ARHGAP4: variants seen among roughly 807,000 people sequenced by gnomAD.
The protein encoded by ARHGAP4 is Rho GTPase activating protein 4, also known as rho GTPase-activating protein 4.
In ARHGAP4, 25 loss-of-function variants were observed where a neutral mutation model predicts 67.6. That is an observed-to-expected ratio of 0.37 (90% CI 0.27 to 0.52). ARHGAP4 has a LOEUF of 0.52. ARHGAP4 is among the 20% of genes least tolerant of loss of function. ARHGAP4 has a pLI of 0.92. For synonymous variants in ARHGAP4, 448 were observed against 373.7 expected, an observed-to-expected ratio of 1.20 and a Z score of -2.29; for missense variants, 804 against 854.6, an observed-to-expected ratio of 0.94 and a Z score of 0.74.
chrX:153,912,631 T>C (rs782152877), intron 12 of ARHGAP4, 69 bp downstream of exon 12: 11 of 954,007 alleles, frequency 1.2e-5, no homozygotes, highest in Non-Finnish European at 1.6e-5. Context: ...CTCCGGCCAC[T>C]GAGGTGACCC....
chrX:153,923,012 C>A (rs1183371632), intron 1 of ARHGAP4, among the ~76,000 whole-genome samples: 2 of 110,929 alleles, frequency 1.8e-5, no homozygotes, highest in African/African-American at 6.6e-5. Context: ...ATCGTTGGAG[C>A]AGAAGGCTGG....
chrX:153,912,139 CTTTCTT>C (rs2065025860), intron 12 of ARHGAP4, among the ~76,000 whole-genome samples: 1 of 106,521 alleles, frequency 9.4e-6, no homozygotes, highest in African/African-American at 3.4e-5. Flanking sequence ...CTCTCTCTCT[CTTTCTT>C]TCTTTCACTG....
Position 153,913,004 on chromosome X carries a change from A to AG in ARHGAP4, c.1439+19dup. On this transcript the variant is annotated intron_variant, in intron 11 of 21. Coordinates refer to ENST00000350060, the MANE Select transcript of ARHGAP4 (RefSeq NM_001666.5). ...AGATGGCGGACCGTCGCAGGGCCCCAGCCCTCAGGGAGGACTCACCAAGAC... is the reference window on the plus strand; with the variant it reads ...AGATGGCGGACCGTCGCAGGGCCCCAGGCCCTCAGGGAGGACTCACCAAGAC... 1 of 1,038,933 alleles carries AG rather than the reference A, an allele frequency of 9.6e-7. No homozygotes were observed. The highest frequency in any genetic ancestry group is 4.0e-5 in the African/African-American group (1 of 25,282). The allele number at this position is 1,038,933 out of a possible 1,213,427, so 85.6% of individuals were successfully genotyped here. A position where few individuals can be genotyped will look rare whatever the true frequency, so the allele number is the denominator to read the frequency against.
chrX:153,909,437 G>C lies in ARHGAP4; in HGVS notation c.2507+6C>G, dbSNP rs1280102166. ...GTGGCCCCCTGAGCCCCGTCTTCTT[G>C]CTCACCGGTGGACCAGCTCCGATGC... On this transcript the variant is annotated splice_donor_region_variant and intron_variant, in intron 20 of 21. Coordinates refer to ENST00000350060, the MANE Select transcript of ARHGAP4 (RefSeq NM_001666.5). 5.9e-6 allele frequency: 7 copies of C among 1,185,932 alleles called. No individual in the cohort carries two copies. The highest frequency in any genetic ancestry group is 7.9e-6 in the Non-Finnish European group (7 of 882,517).
chrX:153,915,980 G>T (rs1293891599), intron 7 of ARHGAP4, among the ~76,000 whole-genome samples: 2 of 111,929 alleles, frequency 1.8e-5, no homozygotes, highest in Non-Finnish European at 3.8e-5. Context: ...AGCTGGCCTG[G>T]TCCTATCAGC....
intron 11 of ARHGAP4, 93 bp downstream of exon 11, chrX:153,912,931 G>T: frequency 8.9e-7 from 1 of 1,129,788 alleles, no homozygotes; most frequent in Middle Eastern, 2.4e-4. Flanking sequence ...AACTGGGGAA[G>T]TGAGGCCCAG....
chrX:153,919,365 T>C (rs1603287023), intron 5 of ARHGAP4, 82 bp from the exon 6 acceptor site: 1 of 1,198,809 alleles, frequency 8.3e-7, no homozygotes, highest in Non-Finnish European at 1.1e-6. Context: ...GCCCATCGCC[T>C]CCCCTCCCAC....
rs2065077480 is a variant in ARHGAP4 at position 153,919,482 on chromosome X, C to T, written c.682-199G>A. ...AGTGCCAGGAGGTGACTTGATTCCC[C>T]GGCTGTTCACCCGCCACTTGCCTTG... On this transcript the variant is annotated intron_variant, in intron 5 of 21. Transcript: ENST00000350060. The T allele has an allele frequency of 1.6e-5, 18 of 1,114,706 alleles. No homozygotes were observed. In the South Asian group the frequency reaches 1.7e-4, roughly 11 times the overall value. 91.9% of individuals were successfully genotyped at this position (1,114,706 alleles called of 1,213,427 possible).
chrX:153,921,701 A>G lies in ARHGAP4; in HGVS notation c.176T>C (p.Val59Ala). 8.3e-7 allele frequency: 1 copy of G among 1,205,753 alleles called. No homozygotes were observed. Among genetic ancestry groups the G allele is most frequent in the Non-Finnish European group, 1.1e-6 (1 of 892,958 alleles). Residue 59 changes from valine to alanine, a missense_variant, in exon 2 of 22, where the codon GTG (valine) becomes GCG (alanine). This residue lies in a region of ARHGAP4 where 404 missense variants were observed against 505.9 expected (regional missense o/e 0.80). Coordinates refer to ENST00000350060, the MANE Select transcript of ARHGAP4 (RefSeq NM_001666.5). ...LAEFMRRRAE[V>A]ELEYSRGLEK... ...CAGGCCCCGGGAGTATTCCAGCTCC[A>G]CCTCAGCGCGGCGCCGCATGAACTC...
intron 20 of ARHGAP4, 70 bp from the exon 21 acceptor site, chrX:153,909,239 C>T (rs781896813): frequency 1.9e-6 from 2 of 1,030,430 alleles, no homozygotes; most frequent in East Asian, 3.3e-5. Flanking sequence ...GTGGCTCCTC[C>T]CATCCTGGGG....
Position 153,909,445 on chromosome X carries a change from G to A in ARHGAP4, c.2505C>T (p.His835=), listed in dbSNP as rs1300717675. ...CTGAGCCCCGTCTTCTTGCTCACCG[G>A]TGGACCAGCTCCGATGCCAGGAGGC... ...PEGLLASELV[H]RPEPCTSPEA... Residue 835 remains histidine, a splice_region_variant and synonymous_variant, in exon 20 of 22, where the codon CAC becomes CAT. Transcript: ENST00000350060. 3 of 1,194,926 alleles carry A rather than the reference G, an allele frequency of 2.5e-6. No homozygotes were observed. The highest frequency in any genetic ancestry group is 3.4e-6 in the Non-Finnish European group (3 of 887,135).
At position 153,912,735 on chromosome X, in the gene ARHGAP4, T is replaced by C; in HGVS notation, c.1507A>G (p.Arg503Gly). 1 of 1,211,560 alleles carries C rather than the reference T, an allele frequency of 8.3e-7. No homozygotes were observed. The highest frequency in any genetic ancestry group is 2.2e-5 in the Admixed American group (1 of 46,025). ...TTCTCCATGTCTCCCCCAAAGAGTC[T>C]CTGGTTATACTGGGAGCTGGGGCGG... is the stretch of plus-strand genomic sequence containing the variant. ...QPRPSSQYNQ[R>G]LFGGDMEKFI... Residue 503 changes from arginine to glycine, a missense_variant, in exon 12 of 22, where the codon AGA becomes GGA. By Grantham distance (125) the Arg-to-Gly change is moderately radical. Coordinates refer to ENST00000350060, the MANE Select transcript of ARHGAP4 (RefSeq NM_001666.5).
intron 7 of ARHGAP4, among the ~76,000 whole-genome samples, chrX:153,916,019 C>T (rs782626656): frequency 8.1e-5 from 9 of 111,620 alleles, no homozygotes; most frequent in Non-Finnish European, 1.3e-4. Flanking sequence ...TGCTGAACAC[C>T]GGAAATGACC....
intron 7 of ARHGAP4, among the ~76,000 whole-genome samples, chrX:153,916,605 C>A (rs2065057066): frequency 8.8e-6 from 1 of 113,295 alleles, no homozygotes; most frequent in Non-Finnish European, 1.9e-5. Flanking sequence ...CACAGACACC[C>A]ACATTTGTGG....
rs1557105061 is a variant in ARHGAP4, at chrX:153,920,708, A to T, written c.599T>A (p.Val200Asp). ...AGTGGCACCAGCGGTGGTGGTGGGG[A>T]CACTCCGGCCTGCCCGCTTCTCCTC... ...RQEEKRAGRS[V>D]PTTTAGATEA... Residue 200 changes from valine (V) to aspartate (D), a missense_variant, in exon 5 of 22, where the codon GTC becomes GAC. Val to Asp is a radical substitution (Grantham distance 152, BLOSUM62 -3). Transcript: ENST00000350060. 8.3e-7 allele frequency: 1 copy of T among 1,211,071 alleles called. No homozygotes were observed. Among genetic ancestry groups the T allele is most frequent in the Admixed American group, 2.2e-5 (1 of 46,106 alleles).
chrX:153,925,549 C>T (rs1158913880), intron 1 of ARHGAP4, among the ~76,000 whole-genome samples: 1 of 112,657 alleles, frequency 8.9e-6, no homozygotes, highest in Non-Finnish European at 1.9e-5. Flanking sequence ...TTATCAGAAC[C>T]CAGAGGTTCA....
chrX:153,911,853 G>A (rs1333103596), intron 12 of ARHGAP4, among the ~76,000 whole-genome samples: 1 of 110,245 alleles, frequency 9.1e-6, no homozygotes, highest in Non-Finnish European at 1.9e-5. Context: ...AAGGTTGCAG[G>A]GAGCTGAGAT....
chrX:153,913,589 A>T lies in ARHGAP4; in HGVS notation c.1146T>A (p.Thr382=), dbSNP rs2065036308. ...GCAGGGCCTGCAGTGTCGCCTTCAG[A>T]GTCTTGTTCACCTGCAGAGGAGACC... ...QTIETEEVNK[T]LKATLQALLE... The change falls in exon 9 of 22, where the codon ACT becomes ACA. Residue 382 remains threonine, a synonymous_variant. Coordinates refer to ENST00000350060, the MANE Select transcript of ARHGAP4 (RefSeq NM_001666.5). 3 of 1,205,863 alleles carry T rather than the reference A, an allele frequency of 2.5e-6. No homozygotes were observed. The East Asian group carries it at 8.9e-5, about 36-fold the overall frequency.
At chrX:153,916,048 C>G (rs1603286207) in intron 7 of ARHGAP4, among the ~76,000 whole-genome samples, 1 of 111,674 alleles carries the variant, frequency 9.0e-6, no homozygotes, top group African/African-American at 3.3e-5. Context: ...CAACATCAGG[C>G]AAGGCCACTG....
Sources: gnomAD v4.1 joint callset for allele counts (sites outside exome capture counted in the v4.1 genomes callset) on GRCh38, gnomAD v4.1.1 for gene constraint, gnomAD v4.1.1 regional missense constraint, MANE v1.5 for transcripts, NCBI Gene and HGNC (gene_info 2026-07-23, HGNC 2026-07-21) for gene names.